The following EDNRB variants were observed in gnomAD, a reference collection of about 807,000 sequenced individuals.
EDNRB encodes Hirschsprung disease 2.
In EDNRB, 18 loss-of-function variants were observed where a neutral mutation model predicts 46.4. The ratio of observed to expected loss-of-function variants is 0.39; its 90% CI spans 0.27 to 0.57. The LOEUF is 0.57. Ranked by LOEUF, EDNRB falls within the 20% of genes least tolerant of loss-of-function variation. The pLI, the probability that EDNRB is intolerant of heterozygous loss-of-function variation, is 0.61. For synonymous variants in EDNRB, 213 were observed against 204.9 expected, an observed-to-expected ratio of 1.04 and a Z score of -0.34; for missense variants, 434 against 537.5, an observed-to-expected ratio of 0.81 and a Z score of 1.90.
chr13:77,909,047 G>A (rs1879435691), intron 1 of EDNRB, among the ~76,000 whole-genome samples: 1 of 151,866 alleles, frequency 6.6e-6, no homozygotes, highest in African/African-American at 2.4e-5. Flanking sequence ...TGTTTGTGCT[G>A]ACCCATTTTA....
intron 1 of EDNRB, among the ~76,000 whole-genome samples, chr13:77,935,831 G>T (rs1880544898): frequency 6.6e-6 from 1 of 152,170 alleles, no homozygotes; most frequent in South Asian, 2.1e-4. Context: ...ACAGAATAAT[G>T]GATTGTGGAG....
chr13:77,913,774 C>T (rs1566313736), intron 1 of EDNRB, among the ~76,000 whole-genome samples: 1 of 152,152 alleles, frequency 6.6e-6, no homozygotes, highest in Non-Finnish European at 1.5e-5. Flanking sequence ...CCCAAGTATA[C>T]CCGGCTGTCT....
chr13:77,951,892 G>A (rs766556439), intron 1 of EDNRB, among the ~76,000 whole-genome samples: 20 of 152,096 alleles, frequency 1.3e-4, no homozygotes, highest in Non-Finnish European at 1.9e-4. Flanking sequence ...ACCCAAAGTC[G>A]TCCAATCAGT....
At chr13:77,917,973 G>T (rs973384898) in intron 1 of EDNRB, 118 bp downstream of exon 1, 1 of 1,488,652 alleles carries the variant, frequency 6.7e-7, no homozygotes, top group Non-Finnish European at 9.3e-7. Flanking sequence ...ACTTTTAGGA[G>T]GGGCAGAACC....
chr13:77,928,693 G>A (rs1164515436), intron 1 of EDNRB, among the ~76,000 whole-genome samples: 1 of 152,122 alleles, frequency 6.6e-6, no homozygotes, highest in Non-Finnish European at 1.5e-5. Flanking sequence ...CAGCTTCTCT[G>A]AAGTCAAGAG....
At chr13:77,971,912 G>A (rs1171919102) in intron 1 of EDNRB, among the ~76,000 whole-genome samples, 1 of 152,186 alleles carries the variant, frequency 6.6e-6, no homozygotes, top group Non-Finnish European at 1.5e-5. Flanking sequence ...TCGGCAGAGT[G>A]CCCAGTAAAG....
chr13:77,908,043 AAG>A (rs1555291126), intron 1 of EDNRB, among the ~76,000 whole-genome samples: 2 of 72,448 alleles, frequency 2.8e-5, no homozygotes, highest in Non-Finnish European at 4.7e-5. Context: ...AAAAAAAAAA[AAG>A]AGAGAGAGAG....
intron 1 of EDNRB, among the ~76,000 whole-genome samples, chr13:77,931,340 A>T (rs1206671795): frequency 1.3e-5 from 2 of 152,086 alleles, no homozygotes; most frequent in Non-Finnish European, 2.9e-5. Flanking sequence ...ATTTTTTTTT[A>T]AAGTTTGAAT....
rs1878591173 is a variant in EDNRB, at chr13:77,895,768, A to G, written c.*2432T>C. ...TTTTACATTGTTATATTACACTTTTATAAAGTTAGCTACAGCATACCCATG... is the reference window on the plus strand; with the variant it reads ...TTTTACATTGTTATATTACACTTTTGTAAAGTTAGCTACAGCATACCCATG... On this transcript the variant is annotated 3_prime_UTR_variant, in exon 7 of 7. Transcript: ENST00000646607. The G allele has an allele frequency of 6.6e-6, 1 of 152,044 alleles. No homozygotes were observed. Among genetic ancestry groups the G allele is most frequent in the African/African-American group, 2.4e-5 (1 of 41,436 alleles). The allele number at this position is 152,044 out of a possible 1,614,324, so 9.4% of individuals were successfully genotyped here.
chr13:77,945,966 A>G (rs1032435393), intron 1 of EDNRB, among the ~76,000 whole-genome samples: 1 of 151,806 alleles, frequency 6.6e-6, no homozygotes, highest in African/African-American at 2.4e-5. Context: ...AGATGTGGGT[A>G]TTATCACACA....
intron 1 of EDNRB, 33 bp from the exon 2 acceptor site, chr13:77,903,640 G>T: frequency 6.3e-7 from 1 of 1,577,488 alleles, no homozygotes; most frequent in Non-Finnish European, 8.7e-7. Context: ...TCTGTTAGGG[G>T]GTTTCATAAG....
chr13:77,967,628 A>G (rs894839729), intron 1 of EDNRB, among the ~76,000 whole-genome samples: 2 of 152,236 alleles, frequency 1.3e-5, no homozygotes, highest in African/African-American at 4.8e-5. Context: ...CAATAGTGCA[A>G]CCTACATTGG....
chr13:77,951,767 C>T (rs957888227), intron 1 of EDNRB, among the ~76,000 whole-genome samples: 6 of 151,916 alleles, frequency 3.9e-5, no homozygotes, highest in South Asian at 2.1e-4. Context: ...GTCAAGTGTC[C>T]GTGCCTTTTA....
At chr13:77,961,926 A>G (rs1227910049) in intron 1 of EDNRB, among the ~76,000 whole-genome samples, 1 of 152,208 alleles carries the variant, frequency 6.6e-6, no homozygotes, top group Non-Finnish European at 1.5e-5. Context: ...AAATAGATGC[A>G]ATAAAAAATG....
In EDNRB at chr13:77,918,731, C is replaced by G; in HGVS notation, c.-158G>C. The G allele has an allele frequency of 7.5e-7, 1 of 1,338,980 alleles. No individual in the cohort carries two copies. Among genetic ancestry groups the G allele is most frequent in the South Asian group, 2.2e-5 (1 of 45,424 alleles). The allele number at this position is 1,338,980 out of a possible 1,614,324, so 82.9% of individuals were successfully genotyped here. ...CAGCCTCTTCGCCAGTATCCACGCT[C>G]AAAAGTAACTCAAGTTTGCGCGCCA... On this transcript the variant is annotated 5_prime_UTR_variant, in exon 1 of 7. Coordinates refer to ENST00000646607, the MANE Select transcript of EDNRB (RefSeq NM_001122659.3). The surrounding 1 kb of genome is among the most constrained non-coding windows in gnomAD (Gnocchi z 4.5).
chr13:77,964,374 A>C lies in EDNRB; in HGVS notation c.-52+10973T>G, dbSNP rs548376671. Among the ~76,000 whole-genome samples, 105 of 152,378 alleles carry C rather than the reference A, an allele frequency of 6.9e-4. 1 individual carries two copies. The highest frequency in any genetic ancestry group is 1.3e-3 in the Non-Finnish European group (86 of 68,038). ...TTCAGAATATCAAACACTTGGAACC[A>C]ACCCAAATGTCCATCAATGATAGAC... On this transcript the variant is annotated intron_variant, in intron 1 of 7. Transcript: ENST00000646948.
intron 1 of EDNRB, among the ~76,000 whole-genome samples, chr13:77,936,513 T>C (rs1191062727): frequency 6.6e-6 from 1 of 152,152 alleles, no homozygotes; most frequent in Non-Finnish European, 1.5e-5. Context: ...CGGACTTATC[T>C]TCCACTGTGA....
At chr13:77,961,121 T>C (rs943249165) in intron 1 of EDNRB, among the ~76,000 whole-genome samples, 14 of 152,040 alleles carry the variant, frequency 9.2e-5, no homozygotes, top group African/African-American at 3.4e-4. Context: ...ACTGTCAACA[T>C]TAGACAGATC....
intron 1 of EDNRB, among the ~76,000 whole-genome samples, chr13:77,945,893 A>AC (rs1491134234): frequency 1.4e-5 from 2 of 139,070 alleles, no homozygotes; most frequent in African/African-American, 5.2e-5. Flanking sequence ...AAAAAAAAAA[A>AC]CAAAAAAAAC....
Sources: gnomAD v4.1 joint callset for allele counts (sites outside exome capture counted in the v4.1 genomes callset) on GRCh38, gnomAD v4.1.1 for gene constraint, Gnocchi (gnomAD v3.1) non-coding constraint, MANE v1.5 for transcripts, NCBI Gene and HGNC (gene_info 2026-07-23, HGNC 2026-07-21) for gene names.